TRERF1: variants seen among roughly 807,000 people sequenced by gnomAD.
The protein encoded by TRERF1 is transcriptional-regulating factor 1.
Under a neutral mutation model 122.9 loss-of-function variants are expected in TRERF1, and 27 were observed. The observed-to-expected ratio is 0.22, with a 90% CI of 0.16 to 0.30. The LOEUF (loss-of-function observed/expected upper bound fraction) is 0.30, where lower values mean the gene tolerates loss of function less well. TRERF1 is among the 10% of genes least tolerant of loss of function. TRERF1 has a pLI of 1.00. For missense variants in TRERF1, 1,248 were observed against 1,560.3 expected, an observed-to-expected ratio of 0.80 and a Z score of 3.37; for synonymous variants, 636 against 641.7, an observed-to-expected ratio of 0.99 and a Z score of 0.13.
chr6:42,290,748 T>C (rs1434200797), intron 4 of TRERF1, among the ~76,000 whole-genome samples: 8 of 144,062 alleles, frequency 5.6e-5, no homozygotes, highest in Admixed American at 1.4e-4. Context: ...TTCCTTTTTT[T>C]TTTTTTTTTT....
rs149155785 is a variant in TRERF1, at chr6:42,281,649, G to A, written c.-258-11801C>T. 4.5e-3 allele frequency among the ~76,000 whole-genome samples: 682 copies of A among 152,272 alleles called. 15 individuals are homozygous for A. Among genetic ancestry groups the A allele is most frequent in the Admixed American group, 0.041 (632 of 15,294 alleles). On this transcript the variant is annotated intron_variant, in intron 4 of 17. Transcript: ENST00000372922. ...TGAGGTGGTCCAGAATTACATCCAG[G>A]ATGCCTGCTTAAGAGTGCCCAGACT...
chr6:42,323,698 C>T (rs1763829175), intron 3 of TRERF1, among the ~76,000 whole-genome samples: 1 of 152,128 alleles, frequency 6.6e-6, no homozygotes, highest in Non-Finnish European at 1.5e-5. Flanking sequence ...TAGGTGCCTC[C>T]AAGCCCCAAA....
At chr6:42,285,535 G>A (rs1323747930) in intron 4 of TRERF1, among the ~76,000 whole-genome samples, 3 of 151,982 alleles carry the variant, frequency 2.0e-5, no homozygotes, top group African/African-American at 4.8e-5. Context: ...TAGGAGTGGT[G>A]AGAGAGGGCA....
At chr6:42,430,504 C>A (rs551556694) in intron 2 of TRERF1, among the ~76,000 whole-genome samples, 40 of 152,328 alleles carry the variant, frequency 2.6e-4, no homozygotes, top group African/African-American at 7.7e-4. Flanking sequence ...AATCCCAGCA[C>A]TTTGGGAGGC....
intron 3 of TRERF1, among the ~76,000 whole-genome samples, chr6:42,347,614 G>A (rs139203228): frequency 2.2e-4 from 33 of 152,286 alleles, no homozygotes; most frequent in African/African-American, 6.7e-4. Flanking sequence ...CCCAGCCACC[G>A]AGGCAAATAC....
chr6:42,244,288 G>A (rs1344308818), intron 14 of TRERF1, among the ~76,000 whole-genome samples: 11 of 151,460 alleles, frequency 7.3e-5, no homozygotes, highest in African/African-American at 2.4e-4. Context: ...GGGTTCAAGC[G>A]ATTCTCCTGC....
intron 2 of TRERF1, among the ~76,000 whole-genome samples, chr6:42,433,646 C>A (rs1202416314): frequency 2.6e-5 from 4 of 152,058 alleles, no homozygotes; most frequent in Non-Finnish European, 5.9e-5. Flanking sequence ...GGAAATAGGA[C>A]CAAACCAACA....
At chr6:42,314,942 C>T (rs941809356) in intron 3 of TRERF1, among the ~76,000 whole-genome samples, 1 of 152,172 alleles carries the variant, frequency 6.6e-6, no homozygotes, top group African/African-American at 2.4e-5. Flanking sequence ...GCATAGGGTG[C>T]TTAGGAAAGG....
At chr6:42,249,167 A>T (rs1775308778) in intron 13 of TRERF1, among the ~76,000 whole-genome samples, 1 of 152,198 alleles carries the variant, frequency 6.6e-6, no homozygotes, top group Admixed American at 6.5e-5. Flanking sequence ...CCTCAGCTGC[A>T]TCTCCGATGG....
intron 4 of TRERF1, among the ~76,000 whole-genome samples, chr6:42,273,556 C>T (rs761335622): frequency 6.6e-6 from 1 of 152,102 alleles, no homozygotes; most frequent in Non-Finnish European, 1.5e-5. Flanking sequence ...TGGAGAGGAC[C>T]AGGAAGGGTA....
At chr6:42,450,515 GAC>G (rs1385874997) in intron 2 of TRERF1, among the ~76,000 whole-genome samples, 4 of 152,252 alleles carry the variant, frequency 2.6e-5, no homozygotes, top group African/African-American at 7.2e-5. Flanking sequence ...GCCGGTAGAA[GAC>G]ACACGGAGGA....
chr6:42,244,977 G>A (rs1284061514), intron 14 of TRERF1, among the ~76,000 whole-genome samples: 2 of 152,328 alleles, frequency 1.3e-5, no homozygotes, highest in Admixed American at 6.5e-5. Context: ...CCACCTACAT[G>A]GTGAGATGAG....
chr6:42,427,847 G>A (rs1017202249), intron 2 of TRERF1, among the ~76,000 whole-genome samples: 1 of 151,932 alleles, frequency 6.6e-6, no homozygotes, highest in African/African-American at 2.4e-5. Flanking sequence ...ACCACACCCA[G>A]CACATTCTTT....
At chr6:42,300,365 C>T (rs1054024959) in intron 4 of TRERF1, among the ~76,000 whole-genome samples, 6 of 152,118 alleles carry the variant, frequency 3.9e-5, no homozygotes, top group African/African-American at 1.2e-4. Flanking sequence ...CCTGTAAGAC[C>T]TGTCCAAGGT....
intron 13 of TRERF1, among the ~76,000 whole-genome samples, chr6:42,246,770 C>T (rs375341976): frequency 6.6e-6 from 1 of 152,182 alleles, no homozygotes; most frequent in African/African-American, 2.4e-5. Flanking sequence ...TATCCTAAGC[C>T]TGTTTTGTTA....
intron 14 of TRERF1, among the ~76,000 whole-genome samples, chr6:42,244,202 G>A (rs1388780485): frequency 6.8e-6 from 1 of 146,560 alleles, no homozygotes. Flanking sequence ...TTCTTTTTTT[G>A]AGATGGAGTT....
At chr6:42,383,614 A>G (rs1336461535) in intron 2 of TRERF1, among the ~76,000 whole-genome samples, 1 of 152,162 alleles carries the variant, frequency 6.6e-6, no homozygotes, top group Non-Finnish European at 1.5e-5. Flanking sequence ...GCAGCCTCCA[A>G]TGCAGCAATG....
At chr6:42,286,715 A>C in intron 4 of TRERF1, among the ~76,000 whole-genome samples, 1 of 113,264 alleles carries the variant, frequency 8.8e-6, no homozygotes, top group Non-Finnish European at 1.8e-5. Context: ...TAGTTCAACC[A>C]TTGTGGAAGT....
At chr6:42,281,300 AC>A (rs1282599635) in intron 4 of TRERF1, among the ~76,000 whole-genome samples, 2 of 152,142 alleles carry the variant, frequency 1.3e-5, no homozygotes, top group Admixed American at 1.3e-4. Context: ...GAGTGTGAGG[AC>A]CAAATCCTAG....
Sources: gnomAD v4.1 joint callset for allele counts (sites outside exome capture counted in the v4.1 genomes callset) on GRCh38, gnomAD v4.1.1 for gene constraint, MANE v1.5 for transcripts, NCBI Gene and HGNC (gene_info 2026-07-23, HGNC 2026-07-21) for gene names.